Variants in EYS observed in about 807,000 individuals in gnomAD.
EYS encodes the protein protein eyes shut homolog.
Under a neutral mutation model 282.1 loss-of-function variants are expected in EYS, and 250 were observed. That is an observed-to-expected ratio of 0.89 (90% confidence interval 0.80 to 0.98). The LOEUF is 0.98. Ranked by LOEUF, EYS falls within the 50% of genes least tolerant of loss-of-function variation. The pLI is 0.00. For synonymous variants in EYS, 1,355 were observed against 1,282.9 expected (o/e 1.06, Z -1.20); for missense variants, 4,016 against 3,709.0 (o/e 1.08, Z -2.15).
chr6:65,440,384 A>AAAAAAATT (rs1768266846), intron 5 of EYS, among the ~76,000 whole-genome samples: 1 of 151,834 alleles, frequency 6.6e-6, no homozygotes, highest in Non-Finnish European at 1.5e-5. Context: ...CAATAAAAAA[A>AAAAAAATT]AAAAAATTAA....
intron 22 of EYS, among the ~76,000 whole-genome samples, chr6:64,782,907 G>A (rs1367537406): frequency 6.6e-6 from 1 of 152,092 alleles, no homozygotes; most frequent in Non-Finnish European, 1.5e-5. Flanking sequence ...TCTGGAGCTT[G>A]GCTTTCCATA....
At chr6:64,582,416 C>A (rs532798734) in intron 26 of EYS, among the ~76,000 whole-genome samples, 1 of 152,072 alleles carries the variant, frequency 6.6e-6, no homozygotes, top group African/African-American at 2.4e-5. Context: ...CCTAGCCCCC[C>A]ATGGAAAAAC....
At chr6:64,758,658 G>C (rs1019557761) in intron 22 of EYS, among the ~76,000 whole-genome samples, 3 of 152,284 alleles carry the variant, frequency 2.0e-5, no homozygotes, top group Admixed American at 2.0e-4. Context: ...GTGAGAAAAA[G>C]TCAGTACACA....
At chr6:64,143,381 AAGT>A (rs869196737) in intron 31 of EYS, among the ~76,000 whole-genome samples, 1 of 144,152 alleles carries the variant, frequency 6.9e-6, no homozygotes, top group South Asian at 2.2e-4. Context: ...AAAAAAAAAA[AAGT>A]ATCACTGTAG....
At chr6:64,448,387 G>A (rs1255343369) in intron 26 of EYS, among the ~76,000 whole-genome samples, 1 of 152,228 alleles carries the variant, frequency 6.6e-6, no homozygotes, top group Non-Finnish European at 1.5e-5. Context: ...GCCCACCACA[G>A]CTCAAGGAGG....
At chr6:65,013,830 A>G (rs1323792817) in intron 13 of EYS, among the ~76,000 whole-genome samples, 3 of 152,160 alleles carry the variant, frequency 2.0e-5, no homozygotes, top group Non-Finnish European at 4.4e-5. Flanking sequence ...GAGCCACTGC[A>G]TTTCAGCCTG....
rs763345090 is a variant in EYS, at chr6:65,353,522, G to A, written c.1395C>T (p.Phe465=). The change falls in exon 9 of 43, where the codon TTC becomes TTT. Residue 465 remains phenylalanine, a synonymous_variant. Coordinates refer to ENST00000503581, the MANE Select transcript of EYS (RefSeq NM_001142800.2). ...GACCTTTATCTTGGCAAATACCATG[G>A]AAGGTGACTCCACAGTAGCAGAGGT... ...HQHLCYCGVT[F]HGICQDKGPA... is the part of the protein sequence containing the mutation. 6.2e-7 allele frequency: 1 copy of A among 1,613,084 alleles called. No individual in the cohort carries two copies. Among genetic ancestry groups the A allele is most frequent in the South Asian group, 1.1e-5 (1 of 91,066 alleles).
chr6:64,648,172 C>T (rs1768422940), intron 22 of EYS, among the ~76,000 whole-genome samples: 4 of 152,104 alleles, frequency 2.6e-5, no homozygotes, highest in Non-Finnish European at 5.9e-5. Context: ...TCTCACCTAC[C>T]TGGTATTTGG....
intron 1 of EYS, among the ~76,000 whole-genome samples, chr6:65,643,125 G>T (rs1159875071): frequency 6.6e-6 from 1 of 152,212 alleles, no homozygotes; most frequent in East Asian, 1.9e-4. Context: ...GATGCTGGTG[G>T]TCTGAGGCAA....
chr6:64,741,027 T>C (rs1262042622), intron 22 of EYS, among the ~76,000 whole-genome samples: 1 of 152,202 alleles, frequency 6.6e-6, no homozygotes, highest in African/African-American at 2.4e-5. Flanking sequence ...ATGTTCTTAA[T>C]GACATCTAGC....
At chr6:64,326,549 C>T (rs780978375) in intron 29 of EYS, among the ~76,000 whole-genome samples, 9 of 152,162 alleles carry the variant, frequency 5.9e-5, no homozygotes, top group South Asian at 4.1e-4. Flanking sequence ...AGCCAGTTAT[C>T]ACCTTAATTT....
intron 13 of EYS, among the ~76,000 whole-genome samples, chr6:65,057,278 A>T (rs972579371): frequency 2.6e-5 from 4 of 152,130 alleles, no homozygotes; most frequent in Non-Finnish European, 4.4e-5. Flanking sequence ...TGACAATTTC[A>T]TAAGAAATTA....
chr6:65,507,069 T>C (rs151175417), intron 2 of EYS, among the ~76,000 whole-genome samples: 123 of 152,226 alleles, frequency 8.1e-4, no homozygotes, highest in African/African-American at 2.9e-3. Context: ...TTCTGACCTA[T>C]ATTATTTCAC....
intron 22 of EYS, among the ~76,000 whole-genome samples, chr6:64,683,128 C>A (rs13214923): frequency 2.8e-3 from 422 of 152,300 alleles, no homozygotes; most frequent in Middle Eastern, 6.8e-3. Flanking sequence ...GTAATCCTTC[C>A]ATGTCATCTG....
Position 64,229,740 on chromosome 6 carries a change from C to A in EYS, c.6424+852G>T, listed in dbSNP as rs1016794333. On this transcript the variant is annotated intron_variant, in intron 31 of 42. Coordinates refer to ENST00000503581, the MANE Select transcript of EYS (RefSeq NM_001142800.2). ...ACACACATCCACATCCACACACATGCACATACATACACATACACAAACACA... is the reference window on the plus strand; with the variant it reads ...ACACACATCCACATCCACACACATGAACATACATACACATACACAAACACA... Among the ~76,000 whole-genome samples, 3 of 152,206 alleles carry A rather than the reference C, an allele frequency of 2.0e-5. No individual in the cohort carries two copies. The East Asian group carries it at 5.8e-4, about 29-fold the overall frequency.
At chr6:64,589,383 T>G (rs2149830312) in intron 26 of EYS, among the ~76,000 whole-genome samples, 1 of 152,152 alleles carries the variant, frequency 6.6e-6, no homozygotes, top group East Asian at 1.9e-4. Flanking sequence ...CAAACCACTA[T>G]AAGTTTATTG....
At chr6:64,607,441 T>C (rs868469350) in intron 24 of EYS, among the ~76,000 whole-genome samples, 3 of 152,252 alleles carry the variant, frequency 2.0e-5, no homozygotes, top group South Asian at 4.1e-4. Flanking sequence ...GGATGTTTAG[T>C]GTCGGCTTTC....
chr6:65,684,462 C>T (rs1768938533), intron 1 of EYS, among the ~76,000 whole-genome samples: 1 of 151,972 alleles, frequency 6.6e-6, no homozygotes, highest in South Asian at 2.1e-4. Context: ...CACCTTCTTT[C>T]TCAAACAATG....
chr6:65,654,978 T>TAAAAAA (rs36088825), intron 1 of EYS, among the ~76,000 whole-genome samples: 1 of 99,908 alleles, frequency 1.0e-5, no homozygotes, highest in Non-Finnish European at 2.0e-5. Context: ...GGTCATTCAT[T>TAAAAAA]AAAAAAAAAA....
Sources: allele counts gnomAD v4.1 joint callset (sites outside exome capture counted in the v4.1 genomes callset), GRCh38; gene constraint gnomAD v4.1.1; transcripts MANE v1.5; gene names NCBI Gene and HGNC (gene_info 2026-07-23, HGNC 2026-07-21).